Variants in CDK14 observed in about 807,000 individuals in gnomAD.
CDK14 encodes cyclin-dependent kinase 14.
Under a neutral mutation model 60.7 loss-of-function variants are expected in CDK14, and 34 were observed. The ratio of observed to expected loss-of-function variants is 0.56; its 90% CI spans 0.43 to 0.75. The LOEUF is 0.75. CDK14 is among the 30% of genes least tolerant of loss of function. CDK14 has a pLI of 0.00. For missense variants in CDK14, 482 were observed against 564.1 expected, an observed-to-expected ratio of 0.85 and a Z score of 1.47; for synonymous variants, 197 against 203.7, an observed-to-expected ratio of 0.97 and a Z score of 0.28.
chr7:90,920,816 G>A (rs908412769), intron 8 of CDK14, among the ~76,000 whole-genome samples: 3 of 152,198 alleles, frequency 2.0e-5, no homozygotes, highest in Non-Finnish European at 2.9e-5. Context: ...AGTAATGAGT[G>A]AGTTCAACCT....
intron 14 of CDK14, among the ~76,000 whole-genome samples, chr7:91,184,267 AGAGT>A (rs1802101025): frequency 6.8e-6 from 1 of 146,428 alleles, no homozygotes; most frequent in Non-Finnish European, 1.5e-5. Flanking sequence ...CCTGGGTGAC[AGAGT>A]GAGATCCTCT....
At chr7:90,701,114 C>T (rs138730400) in intron 2 of CDK14, among the ~76,000 whole-genome samples, 136 of 152,140 alleles carry the variant, frequency 8.9e-4, no homozygotes, top group African/African-American at 2.9e-3. Flanking sequence ...ACCCTTTTTC[C>T]TTCGTGGCCA....
chr7:90,787,053 C>G (rs561609493), intron 4 of CDK14, among the ~76,000 whole-genome samples: 3 of 151,920 alleles, frequency 2.0e-5, no homozygotes, highest in African/African-American at 7.2e-5. Context: ...AACATTTTTA[C>G]CAGGCTTTAG....
chr7:91,034,581 C>T (rs1796858301), intron 10 of CDK14, among the ~76,000 whole-genome samples: 1 of 152,140 alleles, frequency 6.6e-6, no homozygotes, highest in Non-Finnish European at 1.5e-5. Flanking sequence ...CTCCTTCAAT[C>T]CATCACCTGC....
At chr7:90,619,284 T>C (rs1245740502) in intron 2 of CDK14, among the ~76,000 whole-genome samples, 1 of 152,226 alleles carries the variant, frequency 6.6e-6, no homozygotes, top group African/African-American at 2.4e-5. Context: ...ATATTTAACA[T>C]CTCTAGTGCT....
At chr7:90,836,969 AT>A (rs1245710586) in intron 5 of CDK14, among the ~76,000 whole-genome samples, 2 of 152,216 alleles carry the variant, frequency 1.3e-5, no homozygotes, top group African/African-American at 2.4e-5. Flanking sequence ...TGTTCACCTC[AT>A]TTGCATCACA....
chr7:91,132,395 G>A (rs924076263), intron 14 of CDK14, among the ~76,000 whole-genome samples: 27 of 152,246 alleles, frequency 1.8e-4, no homozygotes, highest in African/African-American at 6.5e-4. Flanking sequence ...GAGATACGGA[G>A]TGAGAAGACA....
At chr7:91,105,652 C>T (rs1799270803) in intron 12 of CDK14, among the ~76,000 whole-genome samples, 1 of 152,090 alleles carries the variant, frequency 6.6e-6, no homozygotes, top group African/African-American at 2.4e-5. Flanking sequence ...CAACCATGGG[C>T]TCACAATCCA....
At chr7:90,710,134 A>T in intron 2 of CDK14, 1 of 984,778 alleles carries the variant, frequency 1.0e-6, no homozygotes, top group Non-Finnish European at 1.2e-6. Flanking sequence ...GGGGGTATTT[A>T]AATTAGAGAC....
chr7:91,056,905 G>A (rs1024439008), intron 11 of CDK14, among the ~76,000 whole-genome samples: 1 of 152,188 alleles, frequency 6.6e-6, no homozygotes, highest in African/African-American at 2.4e-5. Context: ...ATGATTTATA[G>A]TCCTTTGGGT....
intron 5 of CDK14, among the ~76,000 whole-genome samples, chr7:90,799,452 C>T (rs370272340): frequency 3.6e-4 from 54 of 152,058 alleles, no homozygotes; most frequent in Admixed American, 3.1e-3. Flanking sequence ...CTTTGGGAGG[C>T]GGAGGCAGGC....
At chr7:90,916,801 T>C (rs2117415848) in intron 7 of CDK14, among the ~76,000 whole-genome samples, 1 of 152,334 alleles carries the variant, frequency 6.6e-6, no homozygotes, top group South Asian at 2.1e-4. Flanking sequence ...GGAAGCCTAG[T>C]GAATCACACT....
chr7:91,008,292 G>A (rs1270159034), intron 10 of CDK14, among the ~76,000 whole-genome samples: 1 of 152,076 alleles, frequency 6.6e-6, no homozygotes, highest in Non-Finnish European at 1.5e-5. Flanking sequence ...TGTGGCTGGC[G>A]GGATAACCAG....
chr7:90,889,572 A>G (rs1330987010), intron 6 of CDK14, among the ~76,000 whole-genome samples: 3 of 152,222 alleles, frequency 2.0e-5, no homozygotes, highest in Non-Finnish European at 4.4e-5. Context: ...ACTAAAAAGA[A>G]ATGGCTAATT....
At chr7:90,841,072 G>GT (rs1237027286) in intron 5 of CDK14, among the ~76,000 whole-genome samples, 7 of 152,134 alleles carry the variant, frequency 4.6e-5, no homozygotes, top group East Asian at 1.9e-4. Context: ...GGATTTTTGT[G>GT]TTTTTTTGCT....
chr7:90,923,344 C>T (rs1265059924), intron 8 of CDK14, among the ~76,000 whole-genome samples: 2 of 152,180 alleles, frequency 1.3e-5, no homozygotes, highest in South Asian at 2.1e-4. Context: ...CTCCTGACCT[C>T]GTGATCTGCC....
At chr7:90,832,838 A>G (rs1222293580) in intron 5 of CDK14, among the ~76,000 whole-genome samples, 1 of 152,226 alleles carries the variant, frequency 6.6e-6, no homozygotes, top group Non-Finnish European at 1.5e-5. Context: ...TTATAGAGGA[A>G]GTCACTCAGT....
At chr7:90,768,211 G>A (rs889212534) in intron 4 of CDK14, among the ~76,000 whole-genome samples, 11 of 152,222 alleles carry the variant, frequency 7.2e-5, no homozygotes, top group Non-Finnish European at 1.3e-4. Context: ...ACGTGGTTTT[G>A]TAGAGGATGT....
At chr7:90,945,486 CG>C (rs1191054831) in intron 8 of CDK14, among the ~76,000 whole-genome samples, 1 of 152,100 alleles carries the variant, frequency 6.6e-6, no homozygotes, top group Non-Finnish European at 1.5e-5. Context: ...ACTACTCCTC[CG>C]GGGAGAATTT....
Sources: allele counts gnomAD v4.1 joint callset (sites outside exome capture counted in the v4.1 genomes callset), GRCh38; gene constraint gnomAD v4.1.1; transcripts MANE v1.5; gene names NCBI Gene and HGNC (gene_info 2026-07-23, HGNC 2026-07-21).